Variants in CCBE1 observed in about 807,000 individuals in gnomAD.
CCBE1 encodes collagen and calcium-binding EGF domain-containing protein 1.
A neutral mutation model predicts 50.0 loss-of-function variants in CCBE1; 37 were observed. The ratio of observed to expected loss-of-function variants is 0.74; its 90% CI spans 0.57 to 0.97. CCBE1 has a LOEUF of 0.97. Ranked by LOEUF, CCBE1 falls within the 50% of genes least tolerant of loss-of-function variation. The pLI is 0.00. For synonymous variants in CCBE1, 234 were observed against 203.7 expected (o/e 1.15, Z -1.27); for missense variants, 538 against 523.8 (o/e 1.03, Z -0.26).
At chr18:59,527,117 A>G (rs760368290) in intron 2 of CCBE1, among the ~76,000 whole-genome samples, 1 of 152,182 alleles carries the variant, frequency 6.6e-6, no homozygotes, top group African/African-American at 2.4e-5. Flanking sequence ...GTCTCCCACT[A>G]TTATTGTGTG....
At chr18:59,615,858 G>A (rs556851584) in intron 2 of CCBE1, among the ~76,000 whole-genome samples, 48 of 152,310 alleles carry the variant, frequency 3.2e-4, no homozygotes, top group African/African-American at 1.1e-3. Context: ...GAAAGAATAA[G>A]AAGGTTGAAA....
rs1909999744 is a variant in CCBE1 at position 59,433,118 on chromosome 18, G to A, written c.*2790C>T. ...TGTCATGAATGTTGAATTTTGCAGA[G>A]AGAAGGAGGAAGGAAAGATGCTAGA... On this transcript the variant is annotated 3_prime_UTR_variant, in exon 11 of 11. Transcript: ENST00000439986. The A allele has an allele frequency of 6.6e-6, 1 of 152,032 alleles. No homozygotes were observed. Among genetic ancestry groups the A allele is most frequent in the African/African-American group, 2.4e-5 (1 of 41,406 alleles). 9.4% of individuals were successfully genotyped at this position (152,032 alleles called of 1,614,324 possible).
intron 3 of CCBE1, among the ~76,000 whole-genome samples, chr18:59,474,639 G>A (rs892791770): frequency 1.3e-5 from 2 of 152,076 alleles, no homozygotes; most frequent in African/African-American, 4.8e-5. Flanking sequence ...TGAACCTCTG[G>A]TGTACTCTCT....
intron 2 of CCBE1, among the ~76,000 whole-genome samples, chr18:59,682,501 AC>A (rs139329322): frequency 0.02 from 3,050 of 151,680 alleles, 101 homozygotes; most frequent in African/African-American, 0.07. Context: ...TGAAACAGAG[AC>A]CCCCCCCTTT....
chr18:59,619,432 C>T (rs1405681833), intron 2 of CCBE1, among the ~76,000 whole-genome samples: 2 of 152,206 alleles, frequency 1.3e-5, no homozygotes, highest in South Asian at 2.1e-4. Flanking sequence ...AGTTGTCCTG[C>T]CTCAGCCTCC....
At position 59,629,339 on chromosome 18, in the gene CCBE1, A is replaced by G. The variant is rs112696978; in HGVS notation, c.212+67290T>C. Among the ~76,000 whole-genome samples the G allele has an allele frequency of 9.8e-5, 15 of 152,304 alleles. 1 individual carries two copies. The highest frequency in any genetic ancestry group is 3.6e-4 in the African/African-American group (15 of 41,556). On this transcript the variant is annotated intron_variant, in intron 2 of 10. Transcript: ENST00000439986. ...ATCTTCAAGGAGACCCCCTCAGAAG[A>G]CACTGTGTCGCTACAACTCCCTGTC...
chr18:59,680,341 T>C (rs557733502), intron 2 of CCBE1, among the ~76,000 whole-genome samples: 10 of 152,264 alleles, frequency 6.6e-5, no homozygotes, highest in African/African-American at 1.9e-4. Context: ...AGTTTCCAGT[T>C]TGACTTTTCC....
rs185245586 is a variant in CCBE1 at position 59,615,607 on chromosome 18, G to C, written c.212+81022C>G. 4.2e-3 allele frequency among the ~76,000 whole-genome samples: 642 copies of C among 152,222 alleles called. 2 individuals are homozygous for C. The highest frequency in any genetic ancestry group is 0.01 in the Middle Eastern group (3 of 294). ...ATTATAAGTTTGTTTCTCCTAAATT[G>C]GTTTTGAGCACAGGGCCAGGAGTGG... On this transcript the variant is annotated intron_variant, in intron 2 of 10. Transcript: ENST00000439986.
chr18:59,579,958 C>T (rs2851861), intron 2 of CCBE1, among the ~76,000 whole-genome samples: 16,116 of 152,160 alleles, frequency 0.11, 958 homozygotes, highest in African/African-American at 0.16. Flanking sequence ...AATAAATCAC[C>T]CTGAAGCTCC....
chr18:59,554,258 C>G (rs1340118271), intron 2 of CCBE1, among the ~76,000 whole-genome samples: 1 of 152,198 alleles, frequency 6.6e-6, no homozygotes, highest in Non-Finnish European at 1.5e-5. Context: ...AGATTACAGA[C>G]ATGAGCCACC....
intron 4 of CCBE1, among the ~76,000 whole-genome samples, chr18:59,468,636 C>T (rs1911869926): frequency 6.6e-6 from 1 of 151,740 alleles, no homozygotes; most frequent in Admixed American, 6.6e-5. Context: ...CCTAGAGCCC[C>T]TGCTAGGATA....
chr18:59,697,665 C>G, upstream of CCBE1: 1 of 320,318 alleles, frequency 3.1e-6, no homozygotes, highest in Non-Finnish European at 5.8e-6. Flanking sequence ...CTGGACTCGG[C>G]TTGGGGCTGC....
intron 2 of CCBE1, among the ~76,000 whole-genome samples, chr18:59,632,366 G>A (rs2053860753): frequency 6.6e-6 from 1 of 151,234 alleles, no homozygotes; most frequent in Admixed American, 6.6e-5. Context: ...TGCAACCTCT[G>A]CCTCCCAGGT....
intron 2 of CCBE1, among the ~76,000 whole-genome samples, chr18:59,497,917 T>A (rs1913432030): frequency 6.6e-6 from 1 of 152,182 alleles, no homozygotes; most frequent in Admixed American, 6.5e-5. Flanking sequence ...CAATTACAAA[T>A]CCTGTCCAGG....
chr18:59,634,848 C>G (rs1427629160), intron 2 of CCBE1, among the ~76,000 whole-genome samples: 1 of 152,020 alleles, frequency 6.6e-6, no homozygotes, highest in African/African-American at 2.4e-5. Context: ...AATGAATTAC[C>G]TACTTGAGGA....
intron 2 of CCBE1, among the ~76,000 whole-genome samples, chr18:59,659,585 T>C (rs758061976): frequency 6.6e-6 from 1 of 152,152 alleles, no homozygotes; most frequent in Non-Finnish European, 1.5e-5. Flanking sequence ...CATCACATCT[T>C]CAAAGCTATC....
At chr18:59,665,827 A>G (rs1457638391) in intron 2 of CCBE1, among the ~76,000 whole-genome samples, 1 of 152,142 alleles carries the variant, frequency 6.6e-6, no homozygotes, top group South Asian at 2.1e-4. Flanking sequence ...CTTTGCAGCT[A>G]TTACTGTCAG....
In CCBE1 at chr18:59,475,998, G is replaced by A. The variant is rs147785500; in HGVS notation, c.265+4188C>T. On this transcript the variant is annotated intron_variant, in intron 3 of 10. Coordinates refer to ENST00000439986, the MANE Select transcript of CCBE1 (RefSeq NM_133459.4). ...CCTCCCAAGTGTTGGGATTACAGGC[G>A]TGAGCCACTGCGGCTGGCTACTCTT... Among the ~76,000 whole-genome samples, 498 of 152,318 alleles carry A rather than the reference G, an allele frequency of 3.3e-3. 2 individuals are homozygous for A. Among genetic ancestry groups the A allele is most frequent in the African/African-American group, 0.011 (470 of 41,576 alleles).
chr18:59,460,936 AAAATAAATAAAT>A (rs59182848), intron 5 of CCBE1, among the ~76,000 whole-genome samples: 13 of 141,214 alleles, frequency 9.2e-5, no homozygotes, highest in South Asian at 6.9e-4. Context: ...CTCTGTCTCA[AAAATAAATAAAT>A]AAATAAATAA....
Sources: allele counts gnomAD v4.1 joint callset (sites outside exome capture counted in the v4.1 genomes callset), GRCh38; gene constraint gnomAD v4.1.1; transcripts MANE v1.5; gene names NCBI Gene and HGNC (gene_info 2026-07-23, HGNC 2026-07-21).